Variants in SLC22A12 observed in about 807,000 individuals in gnomAD.
The protein encoded by SLC22A12 is solute carrier family 22 member 12.
SLC22A12 carries 56 observed loss-of-function variants against 52.7 expected under a neutral mutation model. The observed-to-expected ratio is 1.06, with a 90% CI of 0.86 to 1.33. The LOEUF (loss-of-function observed/expected upper bound fraction) is 1.33, where lower values mean the gene tolerates loss of function less well. Ranked by LOEUF, SLC22A12 falls within the 40% of genes most tolerant of loss-of-function variation. The pLI, the probability that SLC22A12 is intolerant of heterozygous loss-of-function variation, is 0.00. For synonymous variants in SLC22A12, 337 were observed against 324.6 expected (o/e 1.04, Z -0.41); for missense variants, 683 against 741.5 (o/e 0.92, Z 0.92).
At position 64,601,894 on chromosome 11, in the gene SLC22A12, T is replaced by TC. The variant is rs1224100487; in HGVS notation, c.*349dup. On this transcript the variant is annotated 3_prime_UTR_variant, in exon 10 of 10. Coordinates refer to ENST00000377574, the MANE Select transcript of SLC22A12 (RefSeq NM_144585.4). ...CTGCTTGACTCCGCACTGCCACTTG[T>TC]CCCCCCACACCCGTCCACCTGCCCA... is the stretch of plus-strand genomic sequence containing the variant. 2.1e-5 allele frequency: 8 copies of TC among 374,410 alleles called. No individual in the cohort carries two copies. Among genetic ancestry groups the TC allele is most frequent in the East Asian group, 1.3e-4 (2 of 14,978 alleles). 23.2% of individuals were successfully genotyped at this position (374,410 alleles called of 1,614,324 possible).
At position 64,600,728 on chromosome 11, in the gene SLC22A12, T is replaced by C. The variant is rs1565142045; in HGVS notation, c.1395-7T>C. On this transcript the variant is annotated splice_region_variant and splice_polypyrimidine_tract_variant and intron_variant, in intron 8 of 9. Coordinates refer to ENST00000377574, the MANE Select transcript of SLC22A12 (RefSeq NM_144585.4). ...CCAGGCGCTTATAGGTGCATCTGCA[T>C]TGGCAGGATGACGGCAGTGGGCTTG... 3.1e-6 allele frequency: 5 copies of C among 1,604,298 alleles called. No homozygotes were observed. The highest frequency in any genetic ancestry group is 1.1e-5 in the South Asian group (1 of 91,076).
intron 8 of SLC22A12, 114 bp from the exon 9 acceptor site, chr11:64,600,621 C>A: frequency 1.3e-6 from 2 of 1,509,514 alleles, no homozygotes; most frequent in Non-Finnish European, 1.8e-6. Context: ...AGGTGCATCC[C>A]AAGCCCAGCC....
At chr11:64,600,157 G>T (rs917386931) in intron 7 of SLC22A12, among the ~76,000 whole-genome samples, 2 of 152,228 alleles carry the variant, frequency 1.3e-5, no homozygotes, top group African/African-American at 4.8e-5. Flanking sequence ...GGTCAAGAAG[G>T]ACTCCTCGGG....
intron 2 of SLC22A12, among the ~76,000 whole-genome samples, 171 bp from the exon 3 acceptor site, chr11:64,593,232 CCT>C (rs1428859804): frequency 2.6e-5 from 4 of 152,270 alleles, no homozygotes; most frequent in African/African-American, 4.8e-5. Context: ...TCGGGACTCT[CCT>C]TGTGCTCCGG....
At chr11:64,595,603 TGGATG>T in intron 4 of SLC22A12, among the ~76,000 whole-genome samples, 1 of 139,520 alleles carries the variant, frequency 7.2e-6, no homozygotes, top group African/African-American at 2.7e-5. Context: ...GATGGATGGA[TGGATG>T]GTTGAATGGA....
rs1591386452 is a variant in SLC22A12 at position 64,591,872 on chromosome 11, A to G, written c.316A>G (p.Thr106Ala). The G allele has an allele frequency of 1.9e-6, 3 of 1,612,504 alleles. No homozygotes were observed. Among genetic ancestry groups the G allele is most frequent in the Non-Finnish European group, 2.5e-6 (3 of 1,179,990 alleles). The part of the protein sequence containing the change: ...WQLLDPNATA[T>A]SWSEADTEPC... ...GCTCTTGGACCCCAATGCCACGGCCACCAGCTGGAGCGAGGCCGACACGGA... is the reference window on the plus strand; with the variant it reads ...GCTCTTGGACCCCAATGCCACGGCCGCCAGCTGGAGCGAGGCCGACACGGA... The change falls in exon 1 of 10, where the codon ACC becomes GCC. Residue 106 changes from threonine (T) to alanine (A), a missense_variant. Transcript: ENST00000377574.
rs1197062619 is a variant in SLC22A12, at chr11:64,598,503, C to T, written c.831-13C>T. The stretch of plus-strand genomic sequence containing the variant: ...CACAGGCAATGACCCCTCCCACGCC[C>T]CCTCCACTTAAGGTGGCTGGCAGAG... On this transcript the variant is annotated splice_polypyrimidine_tract_variant and intron_variant, in intron 4 of 9. Transcript: ENST00000377574. The T allele has an allele frequency of 6.4e-7, 1 of 1,566,760 alleles. No individual in the cohort carries two copies. The highest frequency in any genetic ancestry group is 1.9e-5 in the Admixed American group (1 of 52,840).
Position 64,591,479 on chromosome 11 carries a change from G to GC in SLC22A12, c.-75dup. On this transcript the variant is annotated 5_prime_UTR_variant, in exon 1 of 10. Coordinates refer to ENST00000377574, the MANE Select transcript of SLC22A12 (RefSeq NM_144585.4). ...GTGGGCACCACCGTGGGGGAAACAG[G>GC]CCCGTTGCCCTGGCCTCTTTGCCCT... The GC allele has an allele frequency of 6.3e-7, 1 of 1,586,134 alleles. No individual in the cohort carries two copies. The highest frequency in any genetic ancestry group is 1.3e-5 in the African/African-American group (1 of 74,606).
At chr11:64,594,742 CGGTTGGATGGAT>C (rs2039041903) in intron 4 of SLC22A12, among the ~76,000 whole-genome samples, 1 of 97,700 alleles carries the variant, frequency 1.0e-5, no homozygotes, top group Admixed American at 1.2e-4. Flanking sequence ...GACGGACGGA[CGGTTGGATGGAT>C]GGATGGATGG....
chr11:64,600,238 C>T, intron 7 of SLC22A12, 129 bp from the exon 8 acceptor site: 1 of 802,580 alleles, frequency 1.2e-6, no homozygotes, highest in Non-Finnish European at 2.1e-6. Flanking sequence ...ACAGGATACC[C>T]AGATGGAGAT....
At chr11:64,599,217 T>C (rs2135466461) in intron 6 of SLC22A12, among the ~76,000 whole-genome samples, 1 of 152,186 alleles carries the variant, frequency 6.6e-6, no homozygotes, top group Middle Eastern at 3.4e-3. Context: ...GGCAACAGCA[T>C]GGGCCGCAAG....
chr11:64,593,017 G>A lies in SLC22A12; in HGVS notation c.506+135G>A, dbSNP rs527896840. 493 of 785,590 alleles carry A rather than the reference G, an allele frequency of 6.3e-4. 1 individual carries two copies. Among genetic ancestry groups the A allele is most frequent in the Non-Finnish European group, 9.2e-4 (443 of 479,766 alleles). 48.7% of individuals were successfully genotyped at this position (785,590 alleles called of 1,614,324 possible). Reference sequence around the variant, plus strand: ...GCCCTACTTGCTGGGTGTGGGTCTCGGACCAGCCACCCTGCAGCCGTGCCA... The same window carrying A: ...GCCCTACTTGCTGGGTGTGGGTCTCAGACCAGCCACCCTGCAGCCGTGCCA... On this transcript the variant is annotated intron_variant, in intron 2 of 9. Coordinates refer to ENST00000377574, the MANE Select transcript of SLC22A12 (RefSeq NM_144585.4).
At chr11:64,600,344 A>G in intron 7 of SLC22A12, 23 bp from the exon 8 acceptor site, 1 of 1,570,838 alleles carries the variant, frequency 6.4e-7, no homozygotes, top group South Asian at 1.1e-5. Context: ...CACCAAGCTC[A>G]CTAATCCCAT....
intron 7 of SLC22A12, 57 bp from the exon 8 acceptor site, chr11:64,600,310 G>A: frequency 7.5e-7 from 1 of 1,333,552 alleles, no homozygotes; most frequent in Non-Finnish European, 1.0e-6. Context: ...GCTGAAGGGA[G>A]CCCTCATCTG....
intron 6 of SLC22A12, 76 bp from the exon 7 acceptor site, chr11:64,599,599 CG>C: frequency 1.4e-6 from 1 of 702,614 alleles, no homozygotes. Context: ...GAGCCCCCAC[CG>C]CCCATTGTTC....
In SLC22A12 at chr11:64,593,762, G is replaced by C. The variant is rs1241704561; in HGVS notation, c.789G>C (p.Leu263=). 20 of 1,611,832 alleles carry C rather than the reference G, an allele frequency of 1.2e-5. No homozygotes were observed. Among genetic ancestry groups the C allele is most frequent in the Non-Finnish European group, 1.6e-5 (19 of 1,180,012 alleles). ...YGVRDWTLLQ[L]VVSVPFFLCF... ...TGCGGGACTGGACACTGCTGCAGCT[G>C]GTGGTCTCGGTCCCCTTCTTCCTCT... is the stretch of plus-strand genomic sequence containing the variant. Residue 263 remains leucine (L), a synonymous_variant, in exon 4 of 10, where the codon CTG becomes CTC. Transcript: ENST00000377574.
chr11:64,601,514 C>T lies in SLC22A12; in HGVS notation c.1625C>T (p.Thr542Met), dbSNP rs773135262. The T allele has an allele frequency of 5.8e-5, 94 of 1,613,270 alleles. No homozygotes were observed. The highest frequency in any genetic ancestry group is 7.2e-5 in the Non-Finnish European group (85 of 1,179,948). ...NQAVKKATHG[T>M]LGNSVLKSTQ... ...GCAGTAAAGAAGGCAACACATGGCACGCTGGGGAACTCTGTCCTAAAATCC... is the reference window on the plus strand; with the variant it reads ...GCAGTAAAGAAGGCAACACATGGCATGCTGGGGAACTCTGTCCTAAAATCC... Residue 542 changes from threonine to methionine, a missense_variant, in exon 10 of 10, where the codon ACG becomes ATG. Transcript: ENST00000377574.
At position 64,598,925 on chromosome 11, in the gene SLC22A12, T is replaced by C; in HGVS notation, c.1070+2T>C. On this transcript the variant is annotated splice_donor_variant, in intron 6 of 9. Coordinates refer to ENST00000377574, the MANE Select transcript of SLC22A12 (RefSeq NM_144585.4). LOFTEE classifies it high-confidence loss of function. ...GACCTGTATCTCCACGTTGTGCTGG[T>C]AGATGCCCTTCCCCCAACCCCACCT... 2 of 1,612,528 alleles carry C rather than the reference T, an allele frequency of 1.2e-6. No individual in the cohort carries two copies. Among genetic ancestry groups the C allele is most frequent in the East Asian group, 2.2e-5 (1 of 44,864 alleles).
Position 64,591,962 on chromosome 11 carries a change from G to A in SLC22A12, c.402+4G>A. On this transcript the variant is annotated splice_donor_region_variant and intron_variant, in intron 1 of 9. Coordinates refer to ENST00000377574, the MANE Select transcript of SLC22A12 (RefSeq NM_144585.4). ...CACCTCCACAATCGTGGCCAAGGTAGGGCCTCCCCCAGAGCCACTCGAGTC... is the reference window on the plus strand; with the variant it reads ...CACCTCCACAATCGTGGCCAAGGTAAGGCCTCCCCCAGAGCCACTCGAGTC... 1.2e-6 allele frequency: 2 copies of A among 1,609,824 alleles called. No individual in the cohort carries two copies. Among genetic ancestry groups the A allele is most frequent in the Non-Finnish European group, 1.7e-6 (2 of 1,179,900 alleles).
Sources: gnomAD v4.1 joint callset for allele counts (sites outside exome capture counted in the v4.1 genomes callset) on GRCh38, gnomAD v4.1.1 for gene constraint, MANE v1.5 for transcripts, NCBI Gene and HGNC (gene_info 2026-07-23, HGNC 2026-07-21) for gene names.